The following DIP2B variants were observed in gnomAD, a reference collection of about 807,000 sequenced individuals.
The protein encoded by DIP2B is DIP2 acetate--CoA ligase B (putative), also known as disco-interacting protein 2 homolog B.
Under a neutral mutation model 198.0 loss-of-function variants are expected in DIP2B, and 76 were observed. The ratio of observed to expected loss-of-function variants is 0.38; its 90% CI spans 0.32 to 0.46. The LOEUF (loss-of-function observed/expected upper bound fraction) is 0.46. Ranked by LOEUF, DIP2B falls within the 20% of genes least tolerant of loss-of-function variation. The probability of loss-of-function intolerance (pLI) is 0.99; values close to 1 mark genes in which losing one functional copy is unlikely to be tolerated. For missense variants in DIP2B, 1,559 were observed against 1,978.4 expected, an observed-to-expected ratio of 0.79 and a Z score of 4.02; for synonymous variants, 701 against 739.1, an observed-to-expected ratio of 0.95 and a Z score of 0.84.
chr12:50,683,875 A>T (rs2139538852), intron 10 of DIP2B, among the ~76,000 whole-genome samples: 1 of 152,054 alleles, frequency 6.6e-6, no homozygotes, highest in East Asian at 1.9e-4. Context: ...ACTTTGGGAG[A>T]TTGAGGTGGG....
chr12:50,679,772 C>A (rs1438979651), intron 8 of DIP2B: 3 of 152,152 alleles, frequency 2.0e-5, no homozygotes, highest in Admixed American at 2.0e-4. Flanking sequence ...TATTTAACAT[C>A]TATGAATACA....
chr12:50,719,937 A>G (rs1293135622), intron 25 of DIP2B, among the ~76,000 whole-genome samples: 1 of 148,296 alleles, frequency 6.7e-6, no homozygotes, highest in African/African-American at 2.5e-5. Context: ...AAATATATAT[A>G]TGTATTTTTT....
chr12:50,724,487 G>A (rs1939895358), intron 27 of DIP2B, among the ~76,000 whole-genome samples: 1 of 152,088 alleles, frequency 6.6e-6, no homozygotes, highest in South Asian at 2.1e-4. Flanking sequence ...TGAAATCTTG[G>A]GATTGTGGGA....
intron 4 of DIP2B, among the ~76,000 whole-genome samples, chr12:50,667,530 C>T (rs1335366431): frequency 1.3e-5 from 2 of 152,160 alleles, no homozygotes; most frequent in Non-Finnish European, 2.9e-5. Context: ...TAAAAAGATA[C>T]AATCCCAGAG....
At chr12:50,715,592 T>C (rs1939699969) in intron 23 of DIP2B, among the ~76,000 whole-genome samples, 1 of 152,162 alleles carries the variant, frequency 6.6e-6, no homozygotes, top group Non-Finnish European at 1.5e-5. Flanking sequence ...AAAGGAAGGA[T>C]TGTGGGAAAA....
chr12:50,607,104 G>T (rs1958988573), intron 1 of DIP2B, among the ~76,000 whole-genome samples: 1 of 140,544 alleles, frequency 7.1e-6, no homozygotes, highest in South Asian at 2.5e-4. Flanking sequence ...ATCATGCTTG[G>T]CTTCTTTTTT....
chr12:50,699,660 C>T (rs1215992388), intron 19 of DIP2B, among the ~76,000 whole-genome samples: 1 of 151,872 alleles, frequency 6.6e-6, no homozygotes, highest in Non-Finnish European at 1.5e-5. Flanking sequence ...GGCAATGTAG[C>T]AATGTAGCAA....
Position 50,576,623 on chromosome 12 carries a change from C to T in DIP2B, c.101-49353C>T, listed in dbSNP as rs567995765. Among the ~76,000 whole-genome samples the T allele has an allele frequency of 4.0e-5, 6 of 151,378 alleles. No individual in the cohort carries two copies. In the East Asian group the frequency reaches 5.9e-4, roughly 15 times the overall value. On this transcript the variant is annotated intron_variant, in intron 1 of 37. Coordinates refer to ENST00000301180, the MANE Select transcript of DIP2B (RefSeq NM_173602.3). ...CCTCCCTAGTAGCTGGGACTACAGG[C>T]GCCCGTCACCACGCCTGGCTAATTT... is the stretch of plus-strand genomic sequence containing the variant.
intron 1 of DIP2B, among the ~76,000 whole-genome samples, chr12:50,609,552 C>G (rs965948903): frequency 1.3e-5 from 2 of 152,214 alleles, no homozygotes; most frequent in African/African-American, 4.8e-5. Context: ...CCATTTCACC[C>G]ATTGGGAAGG....
rs142214848 is a variant in DIP2B, at chr12:50,628,887, G to C, written c.172+2840G>C. ...TCTTATCTTCTTTTCTTTCATTCTT[G>C]TTTTTGTTTTGAGCAGGGTCTGGCT... On this transcript the variant is annotated intron_variant, in intron 2 of 37. Transcript: ENST00000301180. Among the ~76,000 whole-genome samples the C allele has an allele frequency of 4.6e-3, 698 of 151,948 alleles. 8 individuals are homozygous for C. Among genetic ancestry groups the C allele is most frequent in the African/African-American group, 0.016 (658 of 41,444 alleles).
At chr12:50,656,137 A>C (rs1294863381) in intron 3 of DIP2B, among the ~76,000 whole-genome samples, 1 of 152,202 alleles carries the variant, frequency 6.6e-6, no homozygotes, top group Non-Finnish European at 1.5e-5. Context: ...TGGAGGTATT[A>C]ATATGAACTC....
intron 23 of DIP2B, among the ~76,000 whole-genome samples, chr12:50,715,694 A>T (rs1939701681): frequency 6.6e-6 from 1 of 152,234 alleles, no homozygotes; most frequent in African/African-American, 2.4e-5. Flanking sequence ...TAGGAGGAAA[A>T]GGTAAAGAAA....
At chr12:50,734,935 G>T in intron 33 of DIP2B, 138 bp from the exon 34 acceptor site, 1 of 1,026,378 alleles carries the variant, frequency 9.7e-7, no homozygotes, top group East Asian at 2.5e-5. Flanking sequence ...TGTTAGTAGT[G>T]CTGAGTTTGA....
At chr12:50,636,287 A>G (rs1400809687) in intron 2 of DIP2B, among the ~76,000 whole-genome samples, 1 of 152,142 alleles carries the variant, frequency 6.6e-6, no homozygotes, top group Non-Finnish European at 1.5e-5. Flanking sequence ...ATTTTGTTTT[A>G]TGTGTCTCAT....
At chr12:50,662,033 A>G (rs1045779791) in intron 4 of DIP2B, among the ~76,000 whole-genome samples, 6 of 152,226 alleles carry the variant, frequency 3.9e-5, no homozygotes, top group African/African-American at 1.4e-4. Context: ...ATGAGACTGT[A>G]GTCCTTTGAA....
chr12:50,609,176 A>G (rs1248350774), intron 1 of DIP2B, among the ~76,000 whole-genome samples: 1 of 152,216 alleles, frequency 6.6e-6, no homozygotes, highest in Non-Finnish European at 1.5e-5. Flanking sequence ...ATTAACAATG[A>G]AAAGTTTATA....
chr12:50,685,484 G>A (rs1416326272), intron 10 of DIP2B, among the ~76,000 whole-genome samples: 1 of 152,130 alleles, frequency 6.6e-6, no homozygotes, highest in Non-Finnish European at 1.5e-5. Context: ...TCGAATTTTG[G>A]AGTGAGGCTA....
chr12:50,704,332 C>A, intron 20 of DIP2B, 112 bp downstream of exon 20: 1 of 963,864 alleles, frequency 1.0e-6, no homozygotes, highest in Non-Finnish European at 1.5e-6. Flanking sequence ...AACCACTTCA[C>A]TTATATTTAA....
Position 50,526,237 on chromosome 12 carries a change from G to C in DIP2B, c.100+20997G>C, listed in dbSNP as rs533669464. 2.6e-5 allele frequency among the ~76,000 whole-genome samples: 4 copies of C among 152,306 alleles called. No homozygotes were observed. In the South Asian group the frequency reaches 8.3e-4, roughly 32 times the overall value. ...TAAAGAAGTGTAGGCTCTGTCCCCA[G>C]GGTCTCTGCCAGGAAGGATGGGGAC... On this transcript the variant is annotated intron_variant, in intron 1 of 37. Coordinates refer to ENST00000301180, the MANE Select transcript of DIP2B (RefSeq NM_173602.3).
Sources: gnomAD v4.1 joint callset for allele counts (sites outside exome capture counted in the v4.1 genomes callset) on GRCh38, gnomAD v4.1.1 for gene constraint, MANE v1.5 for transcripts, NCBI Gene and HGNC (gene_info 2026-07-23, HGNC 2026-07-21) for gene names.